The following GOLGA1 variants were observed in gnomAD, a reference collection of about 807,000 sequenced individuals.
GOLGA1 encodes golgin subfamily A member 1.
In GOLGA1, 63 loss-of-function variants were observed where a neutral mutation model predicts 119.7. That is an observed-to-expected ratio of 0.53 (90% confidence interval 0.43 to 0.65). The LOEUF is 0.65. Ranked by LOEUF, GOLGA1 falls within the 30% of genes least tolerant of loss-of-function variation. The probability of loss-of-function intolerance (pLI) is 0.00; values close to 1 mark genes in which losing one functional copy is unlikely to be tolerated. For missense variants in GOLGA1, 798 were observed against 912.8 expected (o/e 0.87, Z 1.62); for synonymous variants, 318 against 333.4 (o/e 0.95, Z 0.50).
intron 19 of GOLGA1, 150 bp from the exon 20 acceptor site, chr9:124,882,719 G>A (rs974557161): frequency 5.5e-5 from 36 of 658,116 alleles, no homozygotes; most frequent in Admixed American, 4.8e-4. Context: ...CTCAGCTGTC[G>A]CATGCTTGTG....
At chr9:124,934,399 T>C (rs1172915881) in intron 3 of GOLGA1, among the ~76,000 whole-genome samples, 3 of 152,088 alleles carry the variant, frequency 2.0e-5, no homozygotes, top group African/African-American at 7.2e-5. Flanking sequence ...TCAAGGGAGT[T>C]TGCTGGAAGT....
At chr9:124,937,908 A>T (rs1830909282) in intron 3 of GOLGA1, among the ~76,000 whole-genome samples, 2 of 151,410 alleles carry the variant, frequency 1.3e-5, no homozygotes, top group African/African-American at 4.9e-5. Flanking sequence ...CATGGTAAAA[A>T]CCTGTCTCTA....
intron 16 of GOLGA1, 86 bp from the exon 17 acceptor site, chr9:124,889,622 G>T: frequency 1.1e-6 from 1 of 901,284 alleles, no homozygotes. Context: ...GCTCTCCAGG[G>T]TACACCACGA....
chr9:124,881,983 C>G lies in GOLGA1; in HGVS notation c.1966-29G>C, dbSNP rs188750707. 1.3e-6 allele frequency: 2 copies of G among 1,552,612 alleles called. No individual in the cohort carries two copies. The highest frequency in any genetic ancestry group is 8.8e-7 in the Non-Finnish European group (1 of 1,137,324). On this transcript the variant is annotated intron_variant, in intron 20 of 22. Transcript: ENST00000373555. The surrounding 1 kb of genome is among the most constrained non-coding windows in gnomAD (Gnocchi z 4.9). ...AAAAACCAGTGGGAAAGATGCTACA[C>G]CGAACCCTCTGAGACAGGTGGAAAA...
In GOLGA1 at chr9:124,889,436, C is replaced by T. The variant is rs748272102; in HGVS notation, c.1598G>A (p.Arg533Gln). Residue 533 changes from arginine (R) to glutamine (Q), a missense_variant and splice_region_variant, in exon 17 of 23, where the codon CGA becomes CAA. By Grantham distance (43) the Arg-to-Gln change is conservative (BLOSUM62 1). Coordinates refer to ENST00000373555, the MANE Select transcript of GOLGA1 (RefSeq NM_002077.4). ...QKEQEILQLE[R>Q]GHNSALLQIH... Reference sequence around the variant, plus strand: ...TCAGCCAGGGACCGACTCCTCACCTCGCTCCAGCTGGAGAATCTCCTGCTC... The same window carrying T: ...TCAGCCAGGGACCGACTCCTCACCTTGCTCCAGCTGGAGAATCTCCTGCTC... 5.0e-6 allele frequency: 8 copies of T among 1,609,966 alleles called. No homozygotes were observed. The African/African-American group carries it at 8.0e-5, about 16-fold the overall frequency.
In GOLGA1 at chr9:124,888,781, G is replaced by T. The variant is rs143850595; in HGVS notation, c.1761+362C>A. 0.011 allele frequency among the ~76,000 whole-genome samples: 1,723 copies of T among 152,214 alleles called. 88 individuals are homozygous for T. The highest frequency in any genetic ancestry group is 0.083 in the Admixed American group (1,266 of 15,278). On this transcript the variant is annotated intron_variant, in intron 18 of 22. Coordinates refer to ENST00000373555, the MANE Select transcript of GOLGA1 (RefSeq NM_002077.4). This position sits in a 1 kb window ranked among gnomAD's most constrained non-coding sequence, Gnocchi z 4.4. ...AGTGGCGCAATCTCGGCTCCACCAA[G>T]CTCCGCCTCCCGGGTTCACATCATT... is the stretch of plus-strand genomic sequence containing the variant.
Position 124,911,999 on chromosome 9 carries a change from CTTCT to C in GOLGA1, c.867_870del (p.Glu290ThrfsTer17). 3 of 1,613,476 alleles carry C rather than the reference CTTCT, an allele frequency of 1.9e-6. No individual in the cohort carries two copies. Among genetic ancestry groups the C allele is most frequent in the Non-Finnish European group, 2.5e-6 (3 of 1,179,468 alleles). Reference sequence around the variant, plus strand: ...TTCTCTTGCAAATGTGTGATAACGTCTTCTTTCTCTTGAGTTTCAGCAGTGACCT... The same window carrying C: ...TTCTCTTGCAAATGTGTGATAACGTCTTCTCTTGAGTTTCAGCAGTGACCT... On this transcript the variant is annotated frameshift_variant, in exon 11 of 23. Coordinates refer to ENST00000373555, the MANE Select transcript of GOLGA1 (RefSeq NM_002077.4). LOFTEE classifies it high-confidence loss of function.
chr9:124,934,350 G>C (rs1564345673), intron 3 of GOLGA1, among the ~76,000 whole-genome samples: 1 of 152,138 alleles, frequency 6.6e-6, no homozygotes, highest in Non-Finnish European at 1.5e-5. Flanking sequence ...ACAGCCAGGA[G>C]GGGTAAAGGG....
intron 15 of GOLGA1, among the ~76,000 whole-genome samples, chr9:124,897,213 C>A (rs1374325254): frequency 6.6e-6 from 1 of 152,246 alleles, no homozygotes; most frequent in African/African-American, 2.4e-5. Context: ...CCCACCTCCC[C>A]ATTGGCTGTC....
chr9:124,908,542 C>A, intron 11 of GOLGA1, 70 bp from the exon 12 acceptor site: 1 of 859,352 alleles, frequency 1.2e-6, no homozygotes, highest in Non-Finnish European at 2.0e-6. Context: ...AGATTATCTA[C>A]AACATATTGT....
intron 5 of GOLGA1, among the ~76,000 whole-genome samples, chr9:124,928,605 C>T (rs1830715923): frequency 6.6e-6 from 1 of 152,100 alleles, no homozygotes; most frequent in Admixed American, 6.6e-5. Flanking sequence ...CAGAAAACAT[C>T]AAAGCTGATG....
Position 124,880,123 on chromosome 9 carries a change from C to T in GOLGA1, c.*407G>A, listed in dbSNP as rs1829541371. On this transcript the variant is annotated 3_prime_UTR_variant, in exon 23 of 23. Coordinates refer to ENST00000373555, the MANE Select transcript of GOLGA1 (RefSeq NM_002077.4). ...CCTGGCAGAGGCAGGTGGGTTTGGC[C>T]TGCTGGGCACCATCTCAAAGGGCCG... 1.3e-5 allele frequency: 2 copies of T among 158,476 alleles called. No individual in the cohort carries two copies. Among genetic ancestry groups the T allele is most frequent in the South Asian group, 3.7e-4 (2 of 5,424 alleles). The allele number at this position is 158,476 out of a possible 1,614,324, so 9.8% of individuals were successfully genotyped here. A position where few individuals can be genotyped will look rare whatever the true frequency, so the allele number is the denominator to read the frequency against.
In GOLGA1 at chr9:124,898,570, T is replaced by C. The variant is rs138568080; in HGVS notation, c.1386A>G (p.Gln462=). Residue 462 remains glutamine, a synonymous_variant, in exon 15 of 23, where the codon CAA becomes CAG. Coordinates refer to ENST00000373555, the MANE Select transcript of GOLGA1 (RefSeq NM_002077.4). ...ATACCTTCAGCTTCTTTAGTTCAAATTGGTGATTTTGTAAAGAACGTTCAT... is the reference window on the plus strand; with the variant it reads ...ATACCTTCAGCTTCTTTAGTTCAAACTGGTGATTTTGTAAAGAACGTTCAT... ...NEYERSLQNH[Q]FELKKLKEEW... is the part of the protein sequence containing the mutation. 34 of 1,596,098 alleles carry C rather than the reference T, an allele frequency of 2.1e-5. No individual in the cohort carries two copies. The highest frequency in any genetic ancestry group is 1.7e-4 in the Middle Eastern group (1 of 6,018).
At chr9:124,889,992 T>C (rs1446212820) in intron 16 of GOLGA1, among the ~76,000 whole-genome samples, 1 of 152,196 alleles carries the variant, frequency 6.6e-6, no homozygotes, top group Non-Finnish European at 1.5e-5. Context: ...CTAGAAGCTC[T>C]GGGGTCAGAT....
chr9:124,934,328 A>G (rs1234465550), intron 3 of GOLGA1, among the ~76,000 whole-genome samples: 1 of 152,194 alleles, frequency 6.6e-6, no homozygotes, highest in Non-Finnish European at 1.5e-5. Context: ...TTAGCAGAAG[A>G]CAAGGCACCA....
chr9:124,922,245 A>G (rs545125681), intron 8 of GOLGA1, among the ~76,000 whole-genome samples: 4 of 148,232 alleles, frequency 2.7e-5, no homozygotes, highest in Non-Finnish European at 1.5e-5. Flanking sequence ...AAAAAGAAGT[A>G]AAAAAGAAAA....
intron 12 of GOLGA1, 91 bp downstream of exon 12, chr9:124,908,286 A>G (rs1830271260): frequency 1.3e-6 from 1 of 764,064 alleles, no homozygotes; most frequent in African/African-American, 1.7e-5. Context: ...TAGTGAAAAA[A>G]CTCTGACCAA....
rs964473318 is a variant in GOLGA1, at chr9:124,940,116, T to C, written c.-166A>G. On this transcript the variant is annotated 5_prime_UTR_variant, in exon 2 of 23. Coordinates refer to ENST00000373555, the MANE Select transcript of GOLGA1 (RefSeq NM_002077.4). The stretch of plus-strand genomic sequence containing the variant: ...AAACCACTTACTCACCTGGCTTATC[T>C]ACTAGATTTAAAACAGCTTGGAGGT... 6.6e-6 allele frequency: 1 copy of C among 152,216 alleles called. No individual in the cohort carries two copies. Among genetic ancestry groups the C allele is most frequent in the African/African-American group, 2.4e-5 (1 of 41,444 alleles). The allele number at this position is 152,216 out of a possible 1,614,324, so 9.4% of individuals were successfully genotyped here. A position where few individuals can be genotyped will look rare whatever the true frequency, so the allele number is the denominator to read the frequency against.
At chr9:124,909,387 C>T (rs534174063) in intron 11 of GOLGA1, among the ~76,000 whole-genome samples, 6 of 151,352 alleles carry the variant, frequency 4.0e-5, no homozygotes, top group Non-Finnish European at 8.8e-5. Context: ...GTGGACAGAT[C>T]ACGAGGTCAG....
Sources: gnomAD v4.1 joint callset for allele counts (sites outside exome capture counted in the v4.1 genomes callset) on GRCh38, gnomAD v4.1.1 for gene constraint, Gnocchi (gnomAD v3.1) non-coding constraint, MANE v1.5 for transcripts, NCBI Gene and HGNC (gene_info 2026-07-23, HGNC 2026-07-21) for gene names.